The following PCDHGA9 variants were observed in gnomAD, a reference collection of about 807,000 sequenced individuals.
PCDHGA9 encodes the protein protocadherin gamma-A9.
Under a neutral mutation model 62.5 loss-of-function variants are expected in PCDHGA9, and 37 were observed. That is an observed-to-expected ratio of 0.59 (90% CI 0.46 to 0.78). The LOEUF (loss-of-function observed/expected upper bound fraction) is 0.78, where lower values mean the gene tolerates loss of function less well. PCDHGA9 is among the 30% of genes least tolerant of loss of function. The probability of loss-of-function intolerance (pLI) is 0.00; values close to 1 mark genes in which losing one functional copy is unlikely to be tolerated. For missense variants in PCDHGA9, 1,138 were observed against 1,166.2 expected (o/e 0.98, Z 0.35); for synonymous variants, 459 against 484.6 (o/e 0.95, Z 0.69).
At chr5:141,461,063 C>T (rs1472437531) in intron 1 of PCDHGA9, among the ~76,000 whole-genome samples, 1 of 151,796 alleles carries the variant, frequency 6.6e-6, no homozygotes, top group Non-Finnish European at 1.5e-5. Flanking sequence ...GTTGGTTTCA[C>T]ATTTTTGCAA....
Position 141,512,423 on chromosome 5 carries a change from T to C in PCDHGA9, c.*1250T>C, listed in dbSNP as rs2099884220. ...GATGGGGCTTCTTCAACAGGGCCCC[T>C]GCCCTCCTGAAGCCTCAGTCCTTCA... is the stretch of plus-strand genomic sequence containing the variant. On this transcript the variant is annotated 3_prime_UTR_variant, in exon 4 of 4. Transcript: ENST00000573521. 1 of 152,754 alleles carries C rather than the reference T, an allele frequency of 6.5e-6. No individual in the cohort carries two copies. The highest frequency in any genetic ancestry group is 6.5e-5 in the Admixed American group (1 of 15,274). The allele number at this position is 152,754 out of a possible 1,614,324, so 9.5% of individuals were successfully genotyped here.
intron 1 of PCDHGA9, chr5:141,420,927 G>A (rs1257204379): frequency 2.8e-6 from 1 of 362,530 alleles, no homozygotes; most frequent in Non-Finnish European, 5.0e-6. Context: ...ACAAAGGTGA[G>A]CGTAATCATT....
intron 1 of PCDHGA9, chr5:141,433,292 C>A: frequency 9.2e-7 from 1 of 1,082,526 alleles, no homozygotes; most frequent in South Asian, 1.6e-5. Context: ...CTCCTAGGCT[C>A]AAGCAATTAT....
intron 1 of PCDHGA9, chr5:141,424,304 C>T (rs909355692): frequency 2.0e-5 from 3 of 152,464 alleles, no homozygotes; most frequent in Admixed American, 2.0e-4. Flanking sequence ...CCTATCAACA[C>T]AGACATATTG....
chr5:141,459,579 T>G (rs1047850142), intron 1 of PCDHGA9, among the ~76,000 whole-genome samples: 2 of 152,212 alleles, frequency 1.3e-5, no homozygotes, highest in African/African-American at 4.8e-5. Context: ...AGAATTGTTT[T>G]GGGGGTCATA....
chr5:141,430,826 CTG>C (rs2097313923), intron 1 of PCDHGA9: 1 of 1,550,416 alleles, frequency 6.4e-7, no homozygotes, highest in Non-Finnish European at 8.7e-7. Context: ...CCTGGGGACT[CTG>C]TGGGAGACCG....
chr5:141,428,031 G>A (rs760882803), intron 1 of PCDHGA9: 6 of 1,607,376 alleles, frequency 3.7e-6, no homozygotes, highest in South Asian at 3.3e-5. Context: ...CGCAGAGTCC[G>A]GCTACCTGGT....
rs57426385 is a variant in PCDHGA9 at position 141,415,740 on chromosome 5, G to GTTT, written c.2424+10394_2424+10396dup. ...TGAGTAGAATTTGATGTTTATTAAG[G>GTTT]TTTTTTTTTTTTTTTTTTTTTTTTT... On this transcript the variant is annotated intron_variant, in intron 1 of 3. Transcript: ENST00000573521. 6,178 of 620,014 alleles carry GTTT rather than the reference G, an allele frequency of 1.0e-2. 42 individuals are homozygous for GTTT. Among genetic ancestry groups the GTTT allele is most frequent in the South Asian group, 0.019 (660 of 34,340 alleles). The allele number at this position is 620,014 out of a possible 1,614,324, so 38.4% of individuals were successfully genotyped here. A position where few individuals can be genotyped will look rare whatever the true frequency, so the allele number is the denominator to read the frequency against.
At chr5:141,419,934 T>C (rs1427601115) in intron 1 of PCDHGA9, 3 of 1,613,952 alleles carry the variant, frequency 1.9e-6, no homozygotes, top group Non-Finnish European at 2.5e-6. Flanking sequence ...CAGTTTTACC[T>C]GGTGGTGGCC....
At chr5:141,482,371 T>C (rs1191880709) in intron 1 of PCDHGA9, among the ~76,000 whole-genome samples, 2 of 152,100 alleles carry the variant, frequency 1.3e-5, no homozygotes, top group African/African-American at 2.4e-5. Flanking sequence ...AAGTAATGCA[T>C]ATAAAGTCCC....
At chr5:141,474,756 T>C (rs2099354156) in intron 1 of PCDHGA9, among the ~76,000 whole-genome samples, 1 of 152,244 alleles carries the variant, frequency 6.6e-6, no homozygotes, top group Non-Finnish European at 1.5e-5. Flanking sequence ...AAGACAAATA[T>C]ACAGAAATAG....
chr5:141,410,746 C>A (rs1489353130), intron 1 of PCDHGA9: 28 of 1,269,804 alleles, frequency 2.2e-5, no homozygotes, highest in Non-Finnish European at 2.7e-5. Flanking sequence ...ACAATATTTT[C>A]TCAATGTTTT....
Position 141,417,943 on chromosome 5 carries a change from G to C in PCDHGA9, c.2424+12567G>C, listed in dbSNP as rs772925118. ...TGCTGCTGCCTTTGTTCTACCCCAC[G>C]CTGTGTGAGCCGATCCGCTACTCGA... is the stretch of plus-strand genomic sequence containing the variant. On this transcript the variant is annotated intron_variant, in intron 1 of 3. Coordinates refer to ENST00000573521, the MANE Select transcript of PCDHGA9 (RefSeq NM_018921.3). The C allele has an allele frequency of 4.1e-5, 66 of 1,613,160 alleles. 1 individual carries two copies. The highest frequency in any genetic ancestry group is 1.8e-4 in the East Asian group (8 of 44,850).
At chr5:141,421,974 C>T in intron 1 of PCDHGA9, 3 of 1,609,644 alleles carry the variant, frequency 1.9e-6, no homozygotes, top group African/African-American at 1.3e-5. Flanking sequence ...CCGTATATCG[C>T]GTGAGTGTTC....
In PCDHGA9 at chr5:141,490,455, G is replaced by A. The variant is rs746957706; in HGVS notation, c.2425-4352G>A. The A allele has an allele frequency of 9.3e-6, 15 of 1,614,010 alleles. No individual in the cohort carries two copies. The highest frequency in any genetic ancestry group is 2.2e-5 in the South Asian group (2 of 91,084). ...TTAAGCCTTCTGAGAACCACTACTC[G>A]CTGCTAACCAGCCAGCCTTTGGACC... On this transcript the variant is annotated intron_variant, in intron 1 of 3. Coordinates refer to ENST00000573521, the MANE Select transcript of PCDHGA9 (RefSeq NM_018921.3). The surrounding 1 kb of genome is among the most constrained non-coding windows in gnomAD (Gnocchi z 5.4).
intron 1 of PCDHGA9, chr5:141,433,153 A>G (rs896611410): frequency 3.1e-6 from 5 of 1,613,482 alleles, no homozygotes; most frequent in African/African-American, 2.7e-5. Flanking sequence ...GTGATTCGGT[A>G]TTTTCTAAAG....
At chr5:141,410,746 C>T in intron 1 of PCDHGA9, 1 of 1,269,920 alleles carries the variant, frequency 7.9e-7, no homozygotes, top group Non-Finnish European at 1.1e-6. Flanking sequence ...ACAATATTTT[C>T]TCAATGTTTT....
rs1222348421 is a variant in PCDHGA9, at chr5:141,511,044, C to T, written c.2670C>T (p.Asp890=). 1 of 1,614,128 alleles carries T rather than the reference C, an allele frequency of 6.2e-7. No homozygotes were observed. The highest frequency in any genetic ancestry group is 1.3e-5 in the African/African-American group (1 of 74,940). ...GPQFTLQHVP[D]YRQNVYIPGS... is the part of the protein sequence containing the mutation. ...AGTTCACCCTGCAGCACGTGCCCGA[C>T]TACCGCCAGAATGTCTACATCCCAG... The change falls in exon 4 of 4, where the codon GAC becomes GAT. Residue 890 remains aspartate, a synonymous_variant. Coordinates refer to ENST00000573521, the MANE Select transcript of PCDHGA9 (RefSeq NM_018921.3).
chr5:141,508,451 C>T (rs1245251907), intron 3 of PCDHGA9, among the ~76,000 whole-genome samples: 1 of 152,180 alleles, frequency 6.6e-6, no homozygotes, highest in Admixed American at 6.5e-5. Flanking sequence ...AGTGGCAGAG[C>T]AGAGCAAATA....
Sources: gnomAD v4.1 joint callset for allele counts (sites outside exome capture counted in the v4.1 genomes callset) on GRCh38, gnomAD v4.1.1 for gene constraint, Gnocchi (gnomAD v3.1) non-coding constraint, MANE v1.5 for transcripts, NCBI Gene and HGNC (gene_info 2026-07-23, HGNC 2026-07-21) for gene names.